The following ZNF365 variants were observed in gnomAD, a reference collection of about 807,000 sequenced individuals.
ZNF365 encodes zinc finger protein 365.
A neutral mutation model predicts 35.0 loss-of-function variants in ZNF365; 22 were observed. The ratio of observed to expected loss-of-function variants is 0.63; its 90% confidence interval spans 0.45 to 0.90. The LOEUF (loss-of-function observed/expected upper bound fraction) is 0.90, where lower values mean the gene tolerates loss of function less well. Ranked by LOEUF, ZNF365 falls within the 40% of genes least tolerant of loss-of-function variation. ZNF365 has a pLI of 0.00. For missense variants in ZNF365, 448 were observed against 500.3 expected, an observed-to-expected ratio of 0.90 and a Z score of 1.00; for synonymous variants, 188 against 196.2, an observed-to-expected ratio of 0.96 and a Z score of 0.35.
At chr10:62,381,508 C>T (rs1243042455) in intron 2 of ZNF365, among the ~76,000 whole-genome samples, 2 of 151,950 alleles carry the variant, frequency 1.3e-5, no homozygotes, top group Non-Finnish European at 2.9e-5. Flanking sequence ...TCCCCCAAAG[C>T]GTCAAGACTT....
chr10:62,460,735 A>G (rs2138555), intron 4 of ZNF365, among the ~76,000 whole-genome samples: 77,770 of 152,012 alleles, frequency 0.51, 21,192 homozygotes, highest in African/African-American at 0.71. Context: ...AGTACATATC[A>G]GAAGACAAGA....
At chr10:62,468,513 G>A (rs1485430918) in intron 4 of ZNF365, among the ~76,000 whole-genome samples, 1 of 152,174 alleles carries the variant, frequency 6.6e-6, no homozygotes, top group Non-Finnish European at 1.5e-5. Context: ...CATGAATTCT[G>A]CTAAAATTGA....
At chr10:62,377,030 A>G (rs1839349634) in intron 2 of ZNF365, 94 bp downstream of exon 2, 1 of 1,474,484 alleles carries the variant, frequency 6.8e-7, no homozygotes. Context: ...GATTTTTGCT[A>G]TTTGCAGGTG....
intron 4 of ZNF365, among the ~76,000 whole-genome samples, chr10:62,478,734 C>T (rs1003928780): frequency 3.3e-5 from 5 of 152,128 alleles, no homozygotes; most frequent in African/African-American, 1.2e-4. Context: ...CCACTACACC[C>T]GGCTAATTTT....
chr10:62,408,896 C>T (rs10995148), intron 3 of ZNF365, among the ~76,000 whole-genome samples: 71,533 of 151,978 alleles, frequency 0.47, 20,357 homozygotes, highest in East Asian at 0.69. Flanking sequence ...GTTTTTATTC[C>T]CCAGCAGGGT....
At chr10:62,376,031 A>G (rs1370394298) in intron 1 of ZNF365, 150 bp from the exon 2 acceptor site, 4 of 776,522 alleles carry the variant, frequency 5.2e-6, no homozygotes, top group Non-Finnish European at 6.2e-6. Flanking sequence ...GATTTGGCCC[A>G]TGGGCTGTAG....
At chr10:62,379,148 A>G (rs1485244658) in intron 2 of ZNF365, among the ~76,000 whole-genome samples, 1 of 150,702 alleles carries the variant, frequency 6.6e-6, no homozygotes, top group Non-Finnish European at 1.5e-5. Context: ...TCAGCCTCCC[A>G]AGTAGCTGGG....
rs139864399 is a variant in ZNF365 at position 62,431,910 on chromosome 10, T to C, written c.925-27831T>C. Among the ~76,000 whole-genome samples, 668 of 152,144 alleles carry C rather than the reference T, an allele frequency of 4.4e-3. 1 individual carries two copies. The highest frequency in any genetic ancestry group is 0.015 in the African/African-American group (637 of 41,520). On this transcript the variant is annotated intron_variant, in intron 3 of 4. Coordinates refer to the ZNF365 transcript ENST00000395255. Reference sequence around the variant, plus strand: ...GCAAATAGAAACTCCAATAGTGATATTGAGATCCAAAACTGACAAAGGCAG... The same window carrying C: ...GCAAATAGAAACTCCAATAGTGATACTGAGATCCAAAACTGACAAAGGCAG...
At chr10:62,480,125 AG>A in exon 5 of ZNF365, 2 of 1,334,512 alleles carry the variant, frequency 1.5e-6, no homozygotes. Context: ...AGACTTCCTG[AG>A]GGCACAGCCC....
chr10:62,380,537 G>T (rs923497645), intron 2 of ZNF365, among the ~76,000 whole-genome samples: 7 of 152,190 alleles, frequency 4.6e-5, no homozygotes, highest in African/African-American at 1.7e-4. Flanking sequence ...ATTTTCAACT[G>T]CATAGGAGAT....
At chr10:62,456,011 C>A (rs1840755792) in intron 3 of ZNF365, among the ~76,000 whole-genome samples, 1 of 152,176 alleles carries the variant, frequency 6.6e-6, no homozygotes, top group Non-Finnish European at 1.5e-5. Flanking sequence ...TCCTGACACT[C>A]CACTACAGCG....
chr10:62,376,565 C>T lies in ZNF365; in HGVS notation c.372C>T (p.Ser124=), dbSNP rs1208451608. Residue 124 remains serine (S), a synonymous_variant, in exon 2 of 5, where the codon TCC becomes TCT. Coordinates refer to ENST00000395254, the MANE Select transcript of ZNF365 (RefSeq NM_014951.3). The part of the protein sequence containing the change: ...PFEVVAERPV[S]YVQTYTAMDL... ...AGGTGGTGGCAGAGAGGCCTGTGTCCTATGTGCAGACCTACACTGCCATGG... is the reference window on the plus strand; with the variant it reads ...AGGTGGTGGCAGAGAGGCCTGTGTCTTATGTGCAGACCTACACTGCCATGG... 2 of 1,613,764 alleles carry T rather than the reference C, an allele frequency of 1.2e-6. No homozygotes were observed. Among genetic ancestry groups the T allele is most frequent in the African/African-American group, 2.7e-5 (2 of 74,858 alleles).
chr10:62,449,431 G>T (rs1589459847), intron 3 of ZNF365, among the ~76,000 whole-genome samples: 1 of 152,016 alleles, frequency 6.6e-6, no homozygotes, highest in African/African-American at 2.4e-5. Context: ...TAAGCTATGC[G>T]CTTATTTTGC....
At chr10:62,382,269 A>G (rs1839452341) in intron 2 of ZNF365, among the ~76,000 whole-genome samples, 1 of 152,236 alleles carries the variant, frequency 6.6e-6, no homozygotes, top group African/African-American at 2.4e-5. Context: ...AGACTGATTC[A>G]TAGCTAGAAA....
intron 3 of ZNF365, among the ~76,000 whole-genome samples, chr10:62,457,065 T>C (rs1840772882): frequency 6.6e-6 from 1 of 152,156 alleles, no homozygotes; most frequent in Non-Finnish European, 1.5e-5. Context: ...TCTGGGCTAG[T>C]GTAGCTCAGC....
chr10:62,435,858 CATT>C (rs1196173610), intron 3 of ZNF365, among the ~76,000 whole-genome samples: 3 of 152,156 alleles, frequency 2.0e-5, no homozygotes, highest in African/African-American at 7.2e-5. Flanking sequence ...AATTTGATGT[CATT>C]ATCTGAAATA....
intron 2 of ZNF365, among the ~76,000 whole-genome samples, chr10:62,377,569 A>ATT (rs71472207): frequency 0.097 from 14,721 of 151,336 alleles, 768 homozygotes; most frequent in Middle Eastern, 0.14. Flanking sequence ...CAAATGATGT[A>ATT]TTTTTTTTTG....
In ZNF365 at chr10:62,400,048, T is replaced by A. The variant is rs2132429627; in HGVS notation, c.*259T>A. The A allele has an allele frequency of 8.3e-7, 1 of 1,211,728 alleles. No homozygotes were observed. The highest frequency in any genetic ancestry group is 2.7e-5 in the South Asian group (1 of 37,024). The allele number at this position is 1,211,728 out of a possible 1,614,324, so 75.1% of individuals were successfully genotyped here. A position where few individuals can be genotyped will look rare whatever the true frequency, so the allele number is the denominator to read the frequency against. The stretch of plus-strand genomic sequence containing the variant: ...ATTAAATCAATCTTAAAGCTCTAAC[T>A]TCTAAAGTAACTGGCCCAGTCTCCA... On this transcript the variant is annotated 3_prime_UTR_variant, in exon 5 of 5. Transcript: ENST00000395254.
At chr10:62,447,313 G>C (rs1303729992) in intron 3 of ZNF365, among the ~76,000 whole-genome samples, 1 of 152,090 alleles carries the variant, frequency 6.6e-6, no homozygotes, top group African/African-American at 2.4e-5. Context: ...TATATATATT[G>C]TTTGTTTTTT....
Sources: gnomAD v4.1 joint callset for allele counts (sites outside exome capture counted in the v4.1 genomes callset) on GRCh38, gnomAD v4.1.1 for gene constraint, MANE v1.5 for transcripts, NCBI Gene and HGNC (gene_info 2026-07-23, HGNC 2026-07-21) for gene names.